THADA: variants seen among roughly 807,000 people sequenced by gnomAD.
The protein encoded by THADA is THADA armadillo repeat containing.
A neutral mutation model predicts 219.8 loss-of-function variants in THADA; 213 were observed. That is an observed-to-expected ratio of 0.97 (90% CI 0.87 to 1.09). THADA has a LOEUF of 1.09. Ranked by LOEUF, THADA falls within the 50% of genes least tolerant of loss-of-function variation. The probability of loss-of-function intolerance (pLI) is 0.00; values close to 1 mark genes in which losing one functional copy is unlikely to be tolerated. For missense variants in THADA, 2,956 were observed against 2,311.3 expected, an observed-to-expected ratio of 1.28 and a Z score of -5.72; for synonymous variants, 1,018 against 828.9, an observed-to-expected ratio of 1.23 and a Z score of -3.92.
chr2:43,373,413 G>A (rs1163171904), intron 29 of THADA, among the ~76,000 whole-genome samples: 1 of 151,796 alleles, frequency 6.6e-6, no homozygotes, highest in East Asian at 1.9e-4. Context: ...AAAATAATTT[G>A]TGTTAGTACA....
chr2:43,276,361 C>T (rs756097024), intron 36 of THADA, among the ~76,000 whole-genome samples: 6 of 152,096 alleles, frequency 3.9e-5, no homozygotes, highest in Non-Finnish European at 7.4e-5. Context: ...TGGGCTGCAG[C>T]ATGTGCAGGA....
chr2:43,570,281 C>T, intron 14 of THADA, 107 bp downstream of exon 14: 2 of 1,180,826 alleles, frequency 1.7e-6, no homozygotes, highest in Non-Finnish European at 2.3e-6. Flanking sequence ...GAAAAAAACA[C>T]AGAAACACAA....
intron 26 of THADA, among the ~76,000 whole-genome samples, chr2:43,460,000 A>G (rs906723658): frequency 2.0e-5 from 3 of 152,122 alleles, no homozygotes; most frequent in African/African-American, 7.2e-5. Flanking sequence ...AATTAAAAGA[A>G]AGCCAGTTCC....
intron 14 of THADA, among the ~76,000 whole-genome samples, chr2:43,568,967 TTTTA>T (rs1558989805): frequency 1.3e-5 from 2 of 152,042 alleles, no homozygotes; most frequent in African/African-American, 2.4e-5. Flanking sequence ...CTTTTAAAAT[TTTTA>T]TTTATTAATT....
chr2:43,460,293 C>A (rs1164201540), intron 26 of THADA, among the ~76,000 whole-genome samples: 1 of 132,662 alleles, frequency 7.5e-6, no homozygotes, highest in Non-Finnish European at 1.6e-5. Context: ...GAAATGAGAT[C>A]TGAGGAACAC....
intron 4 of THADA, among the ~76,000 whole-genome samples, chr2:43,587,221 C>G (rs1437283643): frequency 6.6e-6 from 1 of 152,122 alleles, no homozygotes; most frequent in African/African-American, 2.4e-5. Flanking sequence ...CCAGATTATT[C>G]TCAACAGAAC....
At chr2:43,296,199 G>A (rs556338824) in intron 31 of THADA, among the ~76,000 whole-genome samples, 2 of 151,624 alleles carry the variant, frequency 1.3e-5, no homozygotes, top group Admixed American at 6.6e-5. Context: ...ATTACAGCGT[G>A]AGCCACCGTG....
At chr2:43,319,366 C>T (rs1467915282) in intron 31 of THADA, among the ~76,000 whole-genome samples, 2 of 152,128 alleles carry the variant, frequency 1.3e-5, no homozygotes, top group South Asian at 4.1e-4. Context: ...TATGATTTTA[C>T]ACTACAAAGA....
chr2:43,292,357 C>T (rs960754609), intron 32 of THADA, 135 bp from the exon 33 acceptor site: 5 of 593,578 alleles, frequency 8.4e-6, no homozygotes, highest in African/African-American at 1.9e-5. Context: ...TTATTTCCCC[C>T]ATAATACCTT....
intron 11 of THADA, among the ~76,000 whole-genome samples, chr2:43,573,389 A>C (rs1400985880): frequency 3.3e-5 from 5 of 152,210 alleles, no homozygotes; most frequent in Non-Finnish European, 5.9e-5. Context: ...CATATTTTAG[A>C]GTGGCTGTTT....
At chr2:43,408,355 G>A (rs1168427603) in intron 28 of THADA, 1 of 152,214 alleles carries the variant, frequency 6.6e-6, no homozygotes, top group Non-Finnish European at 1.5e-5. Context: ...ATACTGAGAA[G>A]ATTAGGTTGC....
At chr2:43,420,218 T>G (rs1677523482) in intron 28 of THADA, among the ~76,000 whole-genome samples, 2 of 152,244 alleles carry the variant, frequency 1.3e-5, no homozygotes, top group South Asian at 4.1e-4. Flanking sequence ...GCTCTTCCCC[T>G]TCTTTGTAGG....
At chr2:43,531,577 T>G (rs950727616) in intron 21 of THADA, among the ~76,000 whole-genome samples, 3 of 152,184 alleles carry the variant, frequency 2.0e-5, no homozygotes, top group Non-Finnish European at 4.4e-5. Context: ...AGCCTCCCAG[T>G]GGATAATCAG....
chr2:43,256,610 TA>T (rs1399988453), intron 36 of THADA, among the ~76,000 whole-genome samples: 1 of 141,934 alleles, frequency 7.0e-6, no homozygotes, highest in East Asian at 1.9e-4. Context: ...AATAAATAAA[TA>T]ATTTTTTTTT....
At chr2:43,253,299 G>A (rs372697198) in intron 36 of THADA, among the ~76,000 whole-genome samples, 8 of 152,280 alleles carry the variant, frequency 5.3e-5, no homozygotes, top group African/African-American at 1.9e-4. Context: ...GATGTGTGCA[G>A]GGGAAAGAGC....
At chr2:43,480,823 GGAAA>G (rs1686121201) in intron 26 of THADA, among the ~76,000 whole-genome samples, 1 of 145,284 alleles carries the variant, frequency 6.9e-6, no homozygotes, top group Non-Finnish European at 1.5e-5. Context: ...GTCTTGGGGG[GGAAA>G]AAAAAAAAAA....
intron 29 of THADA, among the ~76,000 whole-genome samples, chr2:43,369,966 G>A (rs976019149): frequency 2.6e-5 from 4 of 152,164 alleles, no homozygotes; most frequent in African/African-American, 9.7e-5. Context: ...CAACCATGCT[G>A]TAAGATCCCA....
chr2:43,332,033 A>G (rs1178680438), intron 30 of THADA, among the ~76,000 whole-genome samples: 1 of 152,158 alleles, frequency 6.6e-6, no homozygotes, highest in Non-Finnish European at 1.5e-5. Flanking sequence ...TTGGCAACAA[A>G]GGTACTATAC....
At chr2:43,289,217 T>C (rs1275089055) in intron 34 of THADA, among the ~76,000 whole-genome samples, 2 of 152,268 alleles carry the variant, frequency 1.3e-5, no homozygotes, top group South Asian at 2.1e-4. Flanking sequence ...CATTCATCAG[T>C]TGATAAACAT....
Sources: allele counts gnomAD v4.1 joint callset (sites outside exome capture counted in the v4.1 genomes callset), GRCh38; gene constraint gnomAD v4.1.1; transcripts MANE v1.5; gene names NCBI Gene and HGNC (gene_info 2026-07-23, HGNC 2026-07-21).